Variants in POGLUT3 observed in about 807,000 individuals in gnomAD.
The protein encoded by POGLUT3 is KDEL (Lys-Asp-Glu-Leu) containing 2.
POGLUT3 carries 48 observed loss-of-function variants against 54.3 expected under a neutral mutation model. The observed-to-expected ratio is 0.88, with a 90% CI of 0.70 to 1.12. POGLUT3 has a LOEUF of 1.12. Among genes scored for constraint, POGLUT3 ranks in the 50% most tolerant of loss-of-function variants. The pLI is 0.00. For missense variants in POGLUT3, 629 were observed against 618.7 expected, an observed-to-expected ratio of 1.02 and a Z score of -0.18; for synonymous variants, 218 against 237.4, an observed-to-expected ratio of 0.92 and a Z score of 0.75.
intron 1 of POGLUT3, among the ~76,000 whole-genome samples, chr11:108,495,228 T>C (rs1347214984): frequency 1.3e-5 from 2 of 152,244 alleles, no homozygotes; most frequent in African/African-American, 2.4e-5. Flanking sequence ...GTGTGTGCAG[T>C]GGCACAATCT....
intron 1 of POGLUT3, 180 bp from the exon 2 acceptor site, chr11:108,491,347 T>C: frequency 1.7e-6 from 1 of 605,664 alleles, no homozygotes; most frequent in Non-Finnish European, 2.9e-6. Flanking sequence ...GGTTCATGCA[T>C]TCTTTTTTTT....
At chr11:108,498,089 G>T in intron 1 of POGLUT3, 76 bp downstream of exon 1, 1 of 1,303,336 alleles carries the variant, frequency 7.7e-7, no homozygotes, top group Non-Finnish European at 1.0e-6. Flanking sequence ...CACGCAGGCC[G>T]CGGGCGGACT....
chr11:108,494,960 T>C (rs1209742442), intron 1 of POGLUT3, among the ~76,000 whole-genome samples: 1 of 152,170 alleles, frequency 6.6e-6, no homozygotes, highest in Admixed American at 6.5e-5. Flanking sequence ...AAAATAAAGA[T>C]ACAGTTCTTC....
intron 1 of POGLUT3, among the ~76,000 whole-genome samples, chr11:108,494,027 G>A (rs1314185243): frequency 6.6e-6 from 1 of 152,076 alleles, no homozygotes; most frequent in Non-Finnish European, 1.5e-5. Flanking sequence ...CACTTTTTAT[G>A]GGCTTGAGAC....
chr11:108,481,726 CA>C (rs10715963), intron 4 of POGLUT3, among the ~76,000 whole-genome samples: 84,673 of 151,010 alleles, frequency 0.56, 24,086 homozygotes, highest in Middle Eastern at 0.67. Context: ...GTGTTCAAAG[CA>C]AAAAAGAGAT....
In POGLUT3 at chr11:108,474,742, G is replaced by T; in HGVS notation, c.*85C>A. The T allele has an allele frequency of 6.7e-7, 1 of 1,499,274 alleles. No individual in the cohort carries two copies. The highest frequency in any genetic ancestry group is 9.1e-7 in the Non-Finnish European group (1 of 1,100,284). 92.9% of individuals were successfully genotyped at this position (1,499,274 alleles called of 1,614,324 possible). The stretch of plus-strand genomic sequence containing the variant: ...CGGGAGAACTAGTCCACTTGGTGCA[G>T]TCTTCTATACTGTCCTTCACAGCTT... On this transcript the variant is annotated 3_prime_UTR_variant, in exon 8 of 8. Transcript: ENST00000323468.
chr11:108,491,274 A>T, intron 1 of POGLUT3, 107 bp from the exon 2 acceptor site: 1 of 845,290 alleles, frequency 1.2e-6, no homozygotes, highest in Admixed American at 2.4e-5. Flanking sequence ...TTCCTGCAGC[A>T]TTGGTGGTTA....
chr11:108,497,948 C>T lies in POGLUT3; in HGVS notation c.202+217G>A, dbSNP rs118132662. ...CCCTGCACATTAAATGCGGAAGGGC[C>T]CTTCAAGTTCATTCATTCATTCATT... On this transcript the variant is annotated intron_variant, in intron 1 of 7. Coordinates refer to ENST00000323468, the MANE Select transcript of POGLUT3 (RefSeq NM_153705.5). Among the ~76,000 whole-genome samples, 11 of 152,284 alleles carry T rather than the reference C, an allele frequency of 7.2e-5. No individual in the cohort carries two copies. In the East Asian group the frequency reaches 2.1e-3, roughly 30 times the overall value.
intron 7 of POGLUT3, among the ~76,000 whole-genome samples, chr11:108,475,238 C>T (rs1240416198): frequency 6.6e-6 from 1 of 152,170 alleles, no homozygotes; most frequent in Non-Finnish European, 1.5e-5. Context: ...CTACCTGAAA[C>T]AAACAGCAGC....
intron 3 of POGLUT3, among the ~76,000 whole-genome samples, chr11:108,483,585 TA>T (rs1166982109): frequency 2.6e-5 from 4 of 152,196 alleles, no homozygotes; most frequent in Non-Finnish European, 4.4e-5. Flanking sequence ...ATCTTAGATT[TA>T]TTTCTTCCCC....
At chr11:108,494,324 C>T (rs928796494) in intron 1 of POGLUT3, among the ~76,000 whole-genome samples, 2 of 152,182 alleles carry the variant, frequency 1.3e-5, no homozygotes, top group African/African-American at 4.8e-5. Context: ...TGACCCCACA[C>T]GGTCAAGGGA....
intron 1 of POGLUT3, among the ~76,000 whole-genome samples, chr11:108,495,960 ACTGT>A (rs1242207663): frequency 3.3e-5 from 5 of 152,176 alleles, no homozygotes; most frequent in Non-Finnish European, 7.3e-5. Flanking sequence ...TTTAATAGAA[ACTGT>A]CTGTAAACTT....
intron 1 of POGLUT3, among the ~76,000 whole-genome samples, chr11:108,493,317 A>G (rs1309087638): frequency 2.6e-5 from 4 of 152,200 alleles, no homozygotes; most frequent in Admixed American, 2.0e-4. Flanking sequence ...TTTTACAGTA[A>G]TCTGTCATGC....
In POGLUT3 at chr11:108,498,280, CG is replaced by C. The variant is rs768199689; in HGVS notation, c.86del (p.Ala29GlyfsTer47). On this transcript the variant is annotated frameshift_variant, in exon 1 of 8. Transcript: ENST00000323468. LOFTEE classifies it high-confidence loss of function. The part of the protein sequence containing the change: ...AAGAPEVLVS[A>X]PRSLVWGPGL... Reference sequence around the variant, plus strand: ...CGGGCCCCCACACCAGGCTCCGCGGCGCGCTGACCAGCACCTCCGGGGCCCC... The same window carrying C: ...CGGGCCCCCACACCAGGCTCCGCGGCCGCTGACCAGCACCTCCGGGGCCCC... 74 of 1,488,744 alleles carry C rather than the reference CG, an allele frequency of 5.0e-5. 1 individual carries two copies. In the African/African-American group the frequency reaches 9.5e-4, roughly 19 times the overall value. 92.2% of individuals were successfully genotyped at this position (1,488,744 alleles called of 1,614,324 possible). A position where few individuals can be genotyped will look rare whatever the true frequency, so the allele number is the denominator to read the frequency against.
intron 2 of POGLUT3, among the ~76,000 whole-genome samples, chr11:108,487,747 G>C (rs1211269032): frequency 6.6e-5 from 10 of 151,794 alleles, no homozygotes; most frequent in Non-Finnish European, 1.5e-4. Flanking sequence ...GAGTAACTGG[G>C]ATTACAGGTG....
intron 1 of POGLUT3, among the ~76,000 whole-genome samples, chr11:108,493,803 C>CAAAAA (rs11351337): frequency 3.7e-5 from 3 of 82,046 alleles, no homozygotes; most frequent in Admixed American, 1.4e-4. Flanking sequence ...GACTCTGTCT[C>CAAAAA]AAAAAAAAAA....
intron 2 of POGLUT3, among the ~76,000 whole-genome samples, chr11:108,490,156 G>A (rs1446511724): frequency 6.6e-6 from 1 of 152,174 alleles, no homozygotes; most frequent in Non-Finnish European, 1.5e-5. Flanking sequence ...TGGGATTATA[G>A]GTGTGAGCCA....
chr11:108,491,538 A>T (rs894902650), intron 1 of POGLUT3: 68 of 240,538 alleles, frequency 2.8e-4, no homozygotes, highest in Middle Eastern at 1.6e-3. Flanking sequence ...AATTTTTGAA[A>T]TTTTTTGTAG....
intron 3 of POGLUT3, among the ~76,000 whole-genome samples, chr11:108,484,776 C>CA (rs1407922384): frequency 6.6e-6 from 1 of 151,790 alleles, no homozygotes; most frequent in African/African-American, 2.4e-5. Context: ...AACAAACAAA[C>CA]AAACAAAAAA....
Sources: allele counts gnomAD v4.1 joint callset (sites outside exome capture counted in the v4.1 genomes callset), GRCh38; gene constraint gnomAD v4.1.1; transcripts MANE v1.5; gene names NCBI Gene and HGNC (gene_info 2026-07-23, HGNC 2026-07-21).